The following DDX18 variants were observed in gnomAD, a reference collection of about 807,000 sequenced individuals.
DDX18 encodes ATP-dependent RNA helicase DDX18.
DDX18 carries 23 observed loss-of-function variants against 73.5 expected under a neutral mutation model. The observed-to-expected ratio is 0.31, with a 90% CI of 0.23 to 0.44. DDX18 has a LOEUF of 0.44. Among genes scored for constraint, DDX18 ranks in the 20% least tolerant of loss-of-function variants. The probability of loss-of-function intolerance (pLI) is 1.00; values close to 1 mark genes in which losing one functional copy is unlikely to be tolerated. For missense variants in DDX18, 753 were observed against 792.9 expected, an observed-to-expected ratio of 0.95 and a Z score of 0.60; for synonymous variants, 268 against 282.7, an observed-to-expected ratio of 0.95 and a Z score of 0.52.
At chr2:117,816,464 C>G (rs1200191053) in intron 1 of DDX18, among the ~76,000 whole-genome samples, 1 of 151,990 alleles carries the variant, frequency 6.6e-6, no homozygotes, top group Non-Finnish European at 1.5e-5. Flanking sequence ...AAGACACAGA[C>G]ACATTCAGTT....
At chr2:117,827,410 C>T (rs1287843708) in intron 11 of DDX18, 10 of 152,076 alleles carry the variant, frequency 6.6e-5, no homozygotes, top group Admixed American at 3.3e-4. Context: ...CATATGTATT[C>T]ATGTGCCATG....
intron 2 of DDX18, 102 bp downstream of exon 2, chr2:117,817,830 T>C (rs1679785218): frequency 1.6e-6 from 2 of 1,244,898 alleles, no homozygotes; most frequent in Non-Finnish European, 1.1e-6. Context: ...GAGAATTCCC[T>C]GTACTCACCA....
In DDX18 at chr2:117,826,398, T is replaced by C; in HGVS notation, c.1635+16T>C. Reference sequence around the variant, plus strand: ...ACAATCCAAGGTAAAGATCTGTACTTGGAGAAAGATTTCTCTTGGTGTAGG... The same window carrying C: ...ACAATCCAAGGTAAAGATCTGTACTCGGAGAAAGATTTCTCTTGGTGTAGG... On this transcript the variant is annotated intron_variant, in intron 11 of 13. Coordinates refer to ENST00000263239, the MANE Select transcript of DDX18 (RefSeq NM_006773.4). 6.2e-7 allele frequency: 1 copy of C among 1,607,800 alleles called. No individual in the cohort carries two copies. Among genetic ancestry groups the C allele is most frequent in the Admixed American group, 1.7e-5 (1 of 59,758 alleles).
rs1473898277 is a variant in DDX18 at position 117,817,593 on chromosome 2, G to A, written c.235G>A (p.Gly79Arg). 1 of 1,613,924 alleles carries A rather than the reference G, an allele frequency of 6.2e-7. No individual in the cohort carries two copies. Among genetic ancestry groups the A allele is most frequent in the Non-Finnish European group, 8.5e-7 (1 of 1,179,930 alleles). ...TGGAGGCATGTCTCAAGAAGCAGTG[G>A]GAAATATAAAAGTTACAAAGTCTCC... ...QNGGMSQEAV[G>R]NIKVTKSPQK... Residue 79 changes from glycine to arginine, a missense_variant, in exon 2 of 14, where the codon GGA becomes AGA. Around this residue, in one of 3 missense-constraint regions of DDX18, gnomAD observed 345 missense variants for 352.0 expected, o/e 0.98. Transcript: ENST00000263239.
At chr2:117,819,274 T>G (rs1016069229) in intron 2 of DDX18, among the ~76,000 whole-genome samples, 2 of 152,194 alleles carry the variant, frequency 1.3e-5, no homozygotes, top group East Asian at 3.9e-4. Flanking sequence ...AGTCTATCTC[T>G]AGTAACATGA....
chr2:117,827,263 A>T (rs1679945201), intron 11 of DDX18: 1 of 152,204 alleles, frequency 6.6e-6, no homozygotes, highest in Admixed American at 6.5e-5. Flanking sequence ...TTTGCTGGGA[A>T]GCCATCGCTG....
At chr2:117,818,460 T>C (rs1411126089) in intron 2 of DDX18, among the ~76,000 whole-genome samples, 1 of 152,230 alleles carries the variant, frequency 6.6e-6, no homozygotes, top group Non-Finnish European at 1.5e-5. Flanking sequence ...TTCATGTATT[T>C]TACCTGAAAT....
chr2:117,830,650 A>G lies in DDX18; in HGVS notation c.1939A>G (p.Lys647Glu), dbSNP rs1250579206. Residue 647 changes from lysine (K) to glutamate (E), a missense_variant, in exon 14 of 14, where the codon AAG becomes GAG. This residue lies in a region of DDX18 where 402 missense variants were observed against 419.4 expected (regional missense o/e 0.96). Transcript: ENST00000263239. The part of the protein sequence containing the change: ...GGGGFGYQKT[K>E]KVEKSKIFKH... ...TGGTGGATTTGGCTACCAGAAAACC[A>G]AGAAAGTTGAGAAATCCAAAATCTT... 6.2e-7 allele frequency: 1 copy of G among 1,613,926 alleles called. No individual in the cohort carries two copies. The highest frequency in any genetic ancestry group is 8.5e-7 in the Non-Finnish European group (1 of 1,179,820).
At position 117,825,311 on chromosome 2, in the gene DDX18, T is replaced by C. The variant is rs1315846963; in HGVS notation, c.1369-136T>C. Reference sequence around the variant, plus strand: ...CAAGACACCATCCTCCTTGAGGGGCTTGCGGAACAGTTGGGGAAATAGGAC... The same window carrying C: ...CAAGACACCATCCTCCTTGAGGGGCCTGCGGAACAGTTGGGGAAATAGGAC... On this transcript the variant is annotated intron_variant, in intron 9 of 13. Coordinates refer to ENST00000263239, the MANE Select transcript of DDX18 (RefSeq NM_006773.4). The C allele has an allele frequency of 2.4e-6, 3 of 1,251,864 alleles. No homozygotes were observed. In the East Asian group the frequency reaches 7.2e-5, roughly 30 times the overall value. 77.5% of individuals were successfully genotyped at this position (1,251,864 alleles called of 1,614,324 possible). A position where few individuals can be genotyped will look rare whatever the true frequency, so the allele number is the denominator to read the frequency against.
At position 117,817,446 on chromosome 2, in the gene DDX18, G is replaced by A; in HGVS notation, c.88G>A (p.Ala30Thr). The A allele has an allele frequency of 6.3e-7, 1 of 1,595,288 alleles. No homozygotes were observed. Residue 30 changes from alanine (A) to threonine (T), a missense_variant and splice_region_variant, in exon 2 of 14, where the codon GCC (alanine) becomes ACC (threonine). Around this residue, in one of 3 missense-constraint regions of DDX18, gnomAD observed 345 missense variants for 352.0 expected, o/e 0.98. Transcript: ENST00000263239. Reference protein sequence around the residue: ...LRQRNLKFQGASNLTLSETQN... With the variant: ...LRQRNLKFQGTSNLTLSETQN... ...ATATGTTCTGTTTATTTAAACAGGG[G>A]CCTCAAATCTGACCCTATCGGAAAC... is the stretch of plus-strand genomic sequence containing the variant.
chr2:117,817,171 T>A (rs763335138), intron 1 of DDX18, among the ~76,000 whole-genome samples: 6 of 152,222 alleles, frequency 3.9e-5, no homozygotes, highest in Non-Finnish European at 8.8e-5. Flanking sequence ...TCATTGAAGT[T>A]TTCCTGTCCT....
chr2:117,829,487 G>C, intron 13 of DDX18, 21 bp downstream of exon 13: 1 of 1,596,622 alleles, frequency 6.3e-7, no homozygotes, highest in Non-Finnish European at 8.5e-7. Context: ...CTTTAATGAA[G>C]TTATCCTGTG....
chr2:117,826,162 G>A (rs1679924518), intron 10 of DDX18, 107 bp from the exon 11 acceptor site: 5 of 876,404 alleles, frequency 5.7e-6, no homozygotes, highest in Non-Finnish European at 1.8e-6. Context: ...CAGCACCGTG[G>A]GACTACACCA....
At position 117,821,284 on chromosome 2, in the gene DDX18, T is replaced by C; in HGVS notation, c.638T>C (p.Leu213Pro). The C allele has an allele frequency of 6.2e-7, 1 of 1,601,620 alleles. No homozygotes were observed. The highest frequency in any genetic ancestry group is 8.5e-7 in the Non-Finnish European group (1 of 1,176,782). Residue 213 changes from leucine (L) to proline (P), a missense_variant, in exon 4 of 14, where the codon CTT becomes CCT. By Grantham distance (98) the Leu-to-Pro change is moderately conservative. Around this residue, in one of 3 missense-constraint regions of DDX18, gnomAD observed 345 missense variants for 352.0 expected, o/e 0.98. Coordinates refer to ENST00000263239, the MANE Select transcript of DDX18 (RefSeq NM_006773.4). ...ATTCAGCATAAAAGTATCAGACCACTTCTGGAAGGCAGGTATGATTAACAT... is the reference window on the plus strand; with the variant it reads ...ATTCAGCATAAAAGTATCAGACCACCTCTGGAAGGCAGGTATGATTAACAT... ...TEIQHKSIRP[L>P]LEGRDLLAAA...
At position 117,829,466 on chromosome 2, in the gene DDX18, A is replaced by G. The variant is rs1015083102; in HGVS notation, c.1870A>G (p.Asn624Asp). Residue 624 changes from asparagine (N) to aspartate (D), a missense_variant and splice_region_variant, in exon 13 of 14, where the codon AAC becomes GAC. Physicochemically the swap from Asn to Asp is conservative, Grantham distance 23 (BLOSUM62 1). Transcript: ENST00000263239. ...GFKVPPFVDL[N>D]VNSNEGKQKK... ...CAAGGTGCCTCCCTTCGTTGATCTG[A>G]GTATCCTTTTCTTTAATGAAGTTAT... 6.2e-7 allele frequency: 1 copy of G among 1,604,452 alleles called. No individual in the cohort carries two copies. Among genetic ancestry groups the G allele is most frequent in the African/African-American group, 1.3e-5 (1 of 74,138 alleles).
intron 10 of DDX18, chr2:117,826,007 G>T: frequency 2.6e-6 from 1 of 389,838 alleles, no homozygotes; most frequent in Non-Finnish European, 4.5e-6. Flanking sequence ...TTATTAGATC[G>T]CTGTTAATGC....
At chr2:117,830,517 C>CT in intron 13 of DDX18, 65 bp from the exon 14 acceptor site, 1 of 1,553,176 alleles carries the variant, frequency 6.4e-7, no homozygotes, top group Non-Finnish European at 8.7e-7. Context: ...GTTTTTTTCT[C>CT]TGTGTAGATG....
chr2:117,817,384 A>G (rs1326902694), intron 1 of DDX18, 60 bp from the exon 2 acceptor site: 1 of 1,457,912 alleles, frequency 6.9e-7, no homozygotes, highest in Admixed American at 2.4e-5. Flanking sequence ...TTGGGATTTC[A>G]GTGTTTCTAA....
In DDX18 at chr2:117,826,800, T is replaced by C. The variant is rs573032782; in HGVS notation, c.1635+418T>C. On this transcript the variant is annotated intron_variant, in intron 11 of 13. Transcript: ENST00000263239. ...TGCCCTCTGTCTCCTATTCATCAAC[T>C]CTTGGCCTACAGTCTCTTCCTTGCG... 6 of 173,472 alleles carry C rather than the reference T, an allele frequency of 3.5e-5. No homozygotes were observed. In the South Asian group the frequency reaches 8.6e-4, roughly 25 times the overall value. 10.7% of individuals were successfully genotyped at this position (173,472 alleles called of 1,614,324 possible).
Sources: gnomAD v4.1 joint callset for allele counts (sites outside exome capture counted in the v4.1 genomes callset) on GRCh38, gnomAD v4.1.1 for gene constraint, gnomAD v4.1.1 regional missense constraint, MANE v1.5 for transcripts, NCBI Gene and HGNC (gene_info 2026-07-23, HGNC 2026-07-21) for gene names.